Variants in GNL3L observed in about 807,000 individuals in gnomAD.
GNL3L encodes guanine nucleotide-binding protein-like 3-like protein.
A neutral mutation model predicts 42.9 loss-of-function variants in GNL3L; 4 were observed. That is an observed-to-expected ratio of 0.09 (90% CI 0.05 to 0.21). The LOEUF (loss-of-function observed/expected upper bound fraction) is 0.21. Among genes scored for constraint, GNL3L ranks in the 10% least tolerant of loss-of-function variants. GNL3L has a pLI of 1.00. For synonymous variants in GNL3L, 159 were observed against 176.3 expected, an observed-to-expected ratio of 0.90 and a Z score of 0.78; for missense variants, 412 against 481.7, an observed-to-expected ratio of 0.86 and a Z score of 1.36.
In GNL3L at chrX:54,565,079, T is replaced by C. The variant is rs1053540070; in HGVS notation, c.*4477T>C. The stretch of plus-strand genomic sequence containing the variant: ...AGACTGTTATATACATGAAATTATA[T>C]GGTATGTAGCATTTTGAGAGCGACT... On this transcript the variant is annotated 3_prime_UTR_variant, in exon 16 of 16. Coordinates refer to ENST00000360845, the MANE Select transcript of GNL3L (RefSeq NM_001184819.2). 1.8e-5 allele frequency among the ~76,000 whole-genome samples: 2 copies of C among 111,477 alleles called. No homozygotes were observed. Among genetic ancestry groups the C allele is most frequent in the Non-Finnish European group, 3.8e-5 (2 of 53,177 alleles).
At chrX:54,605,464 G>A (rs775860765) in intron 16 of GNL3L, among the ~76,000 whole-genome samples, 1 of 111,015 alleles carries the variant, frequency 9.0e-6, no homozygotes, top group African/African-American at 3.3e-5. Context: ...CCCCATCTTC[G>A]GCCCCCCATC....
At chrX:54,539,018 CT>C in intron 2 of GNL3L, 21 bp from the exon 3 acceptor site, 1 of 1,044,335 alleles carries the variant, frequency 9.6e-7, no homozygotes, top group Non-Finnish European at 1.3e-6. Context: ...CGGCTCTTTT[CT>C]TTCTTTTTTT....
At chrX:54,543,460 T>A in intron 7 of GNL3L, 118 bp downstream of exon 7, 1 of 758,826 alleles carries the variant, frequency 1.3e-6, no homozygotes, top group Non-Finnish European at 1.9e-6. Context: ...TCATGCAAAG[T>A]AGAAATTTTT....
chrX:54,597,576 C>T (rs553117485), intron 16 of GNL3L, among the ~76,000 whole-genome samples: 2 of 111,072 alleles, frequency 1.8e-5, no homozygotes, highest in African/African-American at 6.6e-5. Context: ...TGTGCCCCCC[C>T]GCCCCAATCC....
At chrX:54,615,812 C>G (rs1255983445) in intron 16 of GNL3L, among the ~76,000 whole-genome samples, 1 of 110,081 alleles carries the variant, frequency 9.1e-6, no homozygotes, top group African/African-American at 3.3e-5. Context: ...TCAAGCGATT[C>G]TCCTGCCTCA....
At chrX:54,613,961 G>A (rs771289511) in intron 16 of GNL3L, among the ~76,000 whole-genome samples, 65 of 110,503 alleles carry the variant, frequency 5.9e-4, no homozygotes, top group African/African-American at 1.8e-3. Flanking sequence ...GAAAGGGACC[G>A]GCAGTGGGTG....
rs185427187 is a variant in GNL3L, at chrX:54,584,289, C to T, written c.*45+23642C>T. Among the ~76,000 whole-genome samples, 190 of 110,329 alleles carry T rather than the reference C, an allele frequency of 1.7e-3. 1 individual carries two copies. The highest frequency in any genetic ancestry group is 5.7e-3 in the African/African-American group (172 of 30,287). ...TGAAGTGATCCACCCGCCTCGGCCT[C>T]TGAAAGTGCTGAGATTACAGGCATG... On this transcript the variant is annotated intron_variant, in intron 16 of 16. Coordinates refer to the GNL3L transcript ENST00000674498.
intron 16 of GNL3L, among the ~76,000 whole-genome samples, chrX:54,591,533 C>CA (rs1448462310): frequency 1.9e-5 from 2 of 106,267 alleles, no homozygotes; most frequent in African/African-American, 6.9e-5. Flanking sequence ...GTGGAGGTTG[C>CA]AGTGAGCCCA....
At chrX:54,535,516 G>A (rs1924396495) in intron 2 of GNL3L, among the ~76,000 whole-genome samples, 1 of 110,961 alleles carries the variant, frequency 9.0e-6, no homozygotes, top group South Asian at 3.8e-4. Flanking sequence ...ATCCTCCATC[G>A]GTAATTAAGT....
intron 16 of GNL3L, among the ~76,000 whole-genome samples, chrX:54,573,457 GTATAGTCCAGCTTCGGCT>G (rs903298272): frequency 8.0e-4 from 89 of 111,508 alleles, no homozygotes; most frequent in East Asian, 7.0e-3. Context: ...GATGGCAGCA[GTATAGTCCAGCTTCGGCT>G]GGGCATGAGA....
At chrX:54,554,115 C>T (rs2147490531) in intron 13 of GNL3L, among the ~76,000 whole-genome samples, 1 of 110,631 alleles carries the variant, frequency 9.0e-6, no homozygotes, top group South Asian at 3.9e-4. Context: ...ATTATAGAAG[C>T]AGGCATGAGG....
In GNL3L at chrX:54,532,561, GTCA is replaced by G; in HGVS notation, c.-1_2del. 13 of 1,190,537 alleles carry G rather than the reference GTCA, an allele frequency of 1.1e-5. No homozygotes were observed. The highest frequency in any genetic ancestry group is 1.5e-5 in the Non-Finnish European group (13 of 876,282). The stretch of plus-strand genomic sequence containing the variant: ...TTTGAACCTATCTGCTTTCAAGCTG[GTCA>G]TCATGATGAAACTTAGACACAGTGA... On this transcript the variant is annotated 5_prime_UTR_variant, in exon 2 of 16. Transcript: ENST00000360845.
At chrX:54,577,995 G>A (rs895068567) in intron 16 of GNL3L, among the ~76,000 whole-genome samples, 3 of 111,182 alleles carry the variant, frequency 2.7e-5, no homozygotes, top group East Asian at 2.8e-4. Context: ...TGCCTGCCTC[G>A]GCCTCCCAAA....
At chrX:54,599,672 T>C (rs1459024815) in intron 16 of GNL3L, among the ~76,000 whole-genome samples, 1 of 110,884 alleles carries the variant, frequency 9.0e-6, no homozygotes, top group Non-Finnish European at 1.9e-5. Flanking sequence ...CTTTCAGGAG[T>C]CTGATAACAT....
chrX:54,550,205 C>CGAGAGA lies in GNL3L; in HGVS notation c.776-733_776-728dup, dbSNP rs58576849. ...TGGTGATACTGAGAATGGGAATGAC[C>CGAGAGA]GAGAGAGAGAGAGAGAGAGAGAGAG... On this transcript the variant is annotated intron_variant, in intron 9 of 15. Transcript: ENST00000360845. Among the ~76,000 whole-genome samples, 359 of 91,151 alleles carry CGAGAGA rather than the reference C, an allele frequency of 3.9e-3. 1 individual carries two copies. The highest frequency in any genetic ancestry group is 5.8e-3 in the Non-Finnish European group (265 of 46,040). 79.2% of individuals were successfully genotyped at this position (91,151 alleles called of 115,157 possible). A position where few individuals can be genotyped will look rare whatever the true frequency, so the allele number is the denominator to read the frequency against.
chrX:54,590,708 G>A (rs2147520652), intron 16 of GNL3L, among the ~76,000 whole-genome samples: 1 of 111,864 alleles, frequency 8.9e-6, no homozygotes, highest in South Asian at 3.7e-4. Context: ...ATGTGCTTGA[G>A]ATTTTCCCCA....
At chrX:54,628,816 C>T in the GNL3L span, among the ~76,000 whole-genome samples, 6 of 105,943 alleles carry the variant, frequency 5.7e-5, no homozygotes, top group East Asian at 2.9e-4. Flanking sequence ...CTATGTGGGT[C>T]GTCTGTTTAC....
intron 9 of GNL3L, among the ~76,000 whole-genome samples, chrX:54,550,602 G>A (rs1051461339): frequency 9.0e-6 from 1 of 111,530 alleles, no homozygotes; most frequent in African/African-American, 3.3e-5. Context: ...TCCATGGAAT[G>A]ATACACCCAG....
intron 14 of GNL3L, 51 bp downstream of exon 14, chrX:54,554,743 G>GGGAGA: frequency 8.9e-7 from 1 of 1,119,472 alleles, no homozygotes. Flanking sequence ...CAGGGCTCTG[G>GGGAGA]GAAGTGGTCA....
Sources: gnomAD v4.1 joint callset for allele counts (sites outside exome capture counted in the v4.1 genomes callset) on GRCh38, gnomAD v4.1.1 for gene constraint, MANE v1.5 for transcripts, NCBI Gene and HGNC (gene_info 2026-07-23, HGNC 2026-07-21) for gene names.